Variants in TPGS2 observed in about 807,000 individuals in gnomAD.
The protein encoded by TPGS2 is tubulin polyglutamylase complex subunit 2, also known as polyglutamylase subunit 2.
Under a neutral mutation model 31.1 loss-of-function variants are expected in TPGS2, and 26 were observed. The ratio of observed to expected loss-of-function variants is 0.84; its 90% CI spans 0.61 to 1.16. The LOEUF is 1.16. Among genes scored for constraint, TPGS2 ranks in the 50% most tolerant of loss-of-function variants. TPGS2 has a pLI of 0.00. For missense variants in TPGS2, 351 were observed against 363.8 expected (o/e 0.96, Z 0.29); for synonymous variants, 130 against 136.6 (o/e 0.95, Z 0.34).
At chr18:36,807,987 G>A in intron 2 of TPGS2, 53 bp from the exon 3 acceptor site, 2 of 1,580,648 alleles carry the variant, frequency 1.3e-6, no homozygotes, top group Non-Finnish European at 1.7e-6. Context: ...AGAGGGTACA[G>A]GGCTATGGCT....
At chr18:36,786,189 G>A (rs1342874303) in intron 6 of TPGS2, among the ~76,000 whole-genome samples, 1 of 152,090 alleles carries the variant, frequency 6.6e-6, no homozygotes, top group African/African-American at 2.4e-5. Flanking sequence ...AGAAATAAAT[G>A]TCTTGTCCAA....
chr18:36,810,304 T>C (rs1413264940), intron 2 of TPGS2, among the ~76,000 whole-genome samples: 1 of 152,216 alleles, frequency 6.6e-6, no homozygotes, highest in East Asian at 1.9e-4. Flanking sequence ...TCCTTTAAGG[T>C]TGGAGAGAAA....
At chr18:36,782,132 A>G (rs1262891353), downstream of TPGS2, among the ~76,000 whole-genome samples, 1 of 152,234 alleles carries the variant, frequency 6.6e-6, no homozygotes, top group East Asian at 1.9e-4. Context: ...TAGTGAACAA[A>G]TATGTCAATG....
chr18:36,780,124 T>C (rs1357677572), downstream of TPGS2: 16 of 1,232,042 alleles, frequency 1.3e-5, no homozygotes, highest in Non-Finnish European at 1.5e-5. Flanking sequence ...CTCTTCAGAA[T>C]GGCAAAACTC....
rs1166717173 is a variant in TPGS2, at chr18:36,796,794, G to A, written c.*11C>T. ...ACTCTGGAGCTGGTAGGGAGTTGGA[G>A]GGAGGGGTGCTCACTTCCGGGTGGG... On this transcript the variant is annotated 3_prime_UTR_variant, in exon 7 of 7. Transcript: ENST00000334295. 1 of 1,590,510 alleles carries A rather than the reference G, an allele frequency of 6.3e-7. No homozygotes were observed. The highest frequency in any genetic ancestry group is 8.5e-7 in the Non-Finnish European group (1 of 1,173,490).
intron 4 of TPGS2, among the ~76,000 whole-genome samples, chr18:36,802,260 G>A (rs945522103): frequency 3.3e-5 from 5 of 152,226 alleles, no homozygotes; most frequent in African/African-American, 1.2e-4. Flanking sequence ...CCTGCCTGGT[G>A]CTGACTGAGG....
chr18:36,822,088 C>T (rs767188672), intron 1 of TPGS2, among the ~76,000 whole-genome samples: 8 of 152,206 alleles, frequency 5.3e-5, no homozygotes, highest in African/African-American at 1.7e-4. Context: ...GCGGCAGCAG[C>T]AAAAGCAGTA....
At position 36,796,445 on chromosome 18, in the gene TPGS2, T is replaced by C. The variant is rs1600742426; in HGVS notation, c.*360A>G. 2 of 1,038,738 alleles carry C rather than the reference T, an allele frequency of 1.9e-6. No homozygotes were observed. Among genetic ancestry groups the C allele is most frequent in the East Asian group, 7.8e-5 (1 of 12,830 alleles). 64.3% of individuals were successfully genotyped at this position (1,038,738 alleles called of 1,614,324 possible). The stretch of plus-strand genomic sequence containing the variant: ...TGACTAGTGGCTCCTGAATGAACAA[T>C]GCAGTTCTAATGCTTCATGGGTCAA... On this transcript the variant is annotated 3_prime_UTR_variant, in exon 7 of 7. Coordinates refer to ENST00000334295, the MANE Select transcript of TPGS2 (RefSeq NM_015476.4).
At chr18:36,816,712 G>A (rs569967676) in intron 2 of TPGS2, among the ~76,000 whole-genome samples, 173 of 152,274 alleles carry the variant, frequency 1.1e-3, no homozygotes, top group African/African-American at 4.0e-3. Flanking sequence ...AGGTTCAAGC[G>A]ATTCTTCTGC....
At position 36,796,086 on chromosome 18, in the gene TPGS2, A is replaced by C. The variant is rs148366706; in HGVS notation, c.*719T>G. 33 of 985,442 alleles carry C rather than the reference A, an allele frequency of 3.3e-5. 1 individual carries two copies. The East Asian group carries it at 1.1e-3, about 34-fold the overall frequency. The allele number at this position is 985,442 out of a possible 1,614,324, so 61.0% of individuals were successfully genotyped here. On this transcript the variant is annotated 3_prime_UTR_variant, in exon 7 of 7. Coordinates refer to ENST00000334295, the MANE Select transcript of TPGS2 (RefSeq NM_015476.4). ...CACTGGAAACTGATGAGGAAGACAAACTTTATAGGAAGCTGCAAAAGAAAT... is the reference window on the plus strand; with the variant it reads ...CACTGGAAACTGATGAGGAAGACAACCTTTATAGGAAGCTGCAAAAGAAAT...
At chr18:36,807,744 A>C (rs1017848550) in intron 3 of TPGS2, 103 bp downstream of exon 3, 1 of 1,065,348 alleles carries the variant, frequency 9.4e-7, no homozygotes, top group Non-Finnish European at 1.4e-6. Flanking sequence ...GGCACCCATG[A>C]AAACCATCCA....
chr18:36,798,527 G>A lies in TPGS2; in HGVS notation c.579C>T (p.Tyr193=), dbSNP rs765886050. 4.3e-6 allele frequency: 7 copies of A among 1,614,082 alleles called. No homozygotes were observed. In the African/African-American group the frequency reaches 8.0e-5, roughly 18 times the overall value. The change falls in exon 6 of 7, where the codon TAC becomes TAT. Residue 193 remains tyrosine (Y), a synonymous_variant. Coordinates refer to ENST00000334295, the MANE Select transcript of TPGS2 (RefSeq NM_015476.4). ...GGCCCAGGTGGGTGATGAGCAGGCG[G>A]TAATAGGCAGTAAAGGTGTCTGTGA... ...HFLTDTFTAY[Y]RLLITHLGLP...
At chr18:36,782,131 A>G (rs2044033047), downstream of TPGS2, among the ~76,000 whole-genome samples, 1 of 152,222 alleles carries the variant, frequency 6.6e-6, no homozygotes, top group South Asian at 2.1e-4. Flanking sequence ...TTAGTGAACA[A>G]ATATGTCAAT....
intron 3 of TPGS2, among the ~76,000 whole-genome samples, chr18:36,805,823 A>G (rs1248855663): frequency 6.6e-6 from 1 of 152,206 alleles, no homozygotes; most frequent in African/African-American, 2.4e-5. Flanking sequence ...GGTAAAGGAC[A>G]TTAAAATGTT....
Position 36,828,934 on chromosome 18 carries a change from G to A in TPGS2, c.-167C>T. The A allele has an allele frequency of 1.0e-6, 1 of 983,364 alleles. No homozygotes were observed. The highest frequency in any genetic ancestry group is 1.4e-6 in the Non-Finnish European group (1 of 695,080). The allele number at this position is 983,364 out of a possible 1,614,324, so 60.9% of individuals were successfully genotyped here. A position where few individuals can be genotyped will look rare whatever the true frequency, so the allele number is the denominator to read the frequency against. Reference sequence around the variant, plus strand: ...GTTGGTCTGACAGCAGCAGCTCCGTGGGGCGCCGGTTCCCGCGGCCCCGCC... The same window carrying A: ...GTTGGTCTGACAGCAGCAGCTCCGTAGGGCGCCGGTTCCCGCGGCCCCGCC... On this transcript the variant is annotated 5_prime_UTR_variant, in exon 1 of 7. Transcript: ENST00000334295.
downstream of TPGS2, among the ~76,000 whole-genome samples, chr18:36,781,061 T>A (rs908631743): frequency 6.6e-6 from 1 of 152,206 alleles, no homozygotes; most frequent in African/African-American, 2.4e-5. Context: ...TGGTCTATAG[T>A]GAACCAAATC....
At chr18:36,804,881 C>CT (rs1034919901) in intron 4 of TPGS2, among the ~76,000 whole-genome samples, 1 of 152,076 alleles carries the variant, frequency 6.6e-6, no homozygotes, top group African/African-American at 2.4e-5. Flanking sequence ...GTTTACTCAT[C>CT]TTTTTTCCTG....
intron 2 of TPGS2, among the ~76,000 whole-genome samples, chr18:36,810,544 T>G (rs1272313488): frequency 6.6e-6 from 1 of 151,618 alleles, no homozygotes. Context: ...CGGCAGAAAG[T>G]GAATGGAGGA....
At position 36,796,146 on chromosome 18, in the gene TPGS2, A is replaced by G; in HGVS notation, c.*659T>C. On this transcript the variant is annotated 3_prime_UTR_variant, in exon 7 of 7. Transcript: ENST00000334295. ...GAGATATTTGTGGTAAGGGATACAA[A>G]GAACATACAATTGTGTACTTGAGAG... 1.0e-6 allele frequency: 1 copy of G among 985,454 alleles called. No individual in the cohort carries two copies. The highest frequency in any genetic ancestry group is 1.2e-6 in the Non-Finnish European group (1 of 829,942). The allele number at this position is 985,454 out of a possible 1,614,324, so 61.0% of individuals were successfully genotyped here.
Sources: allele counts gnomAD v4.1 joint callset (sites outside exome capture counted in the v4.1 genomes callset), GRCh38; gene constraint gnomAD v4.1.1; transcripts MANE v1.5; gene names NCBI Gene and HGNC (gene_info 2026-07-23, HGNC 2026-07-21).